Variants in GALNT13 observed in about 807,000 individuals in gnomAD.
GALNT13 encodes UDP-GalNAc:polypeptide N-acetylgalactosaminyltransferase 13.
GALNT13 carries 28 observed loss-of-function variants against 64.2 expected under a neutral mutation model. The observed-to-expected ratio is 0.44, with a 90% CI of 0.32 to 0.60. The LOEUF is 0.60. Among genes scored for constraint, GALNT13 ranks in the 20% least tolerant of loss-of-function variants. The pLI is 0.05. For synonymous variants in GALNT13, 214 were observed against 224.6 expected, an observed-to-expected ratio of 0.95 and a Z score of 0.42; for missense variants, 577 against 669.8, an observed-to-expected ratio of 0.86 and a Z score of 1.53.
At chr2:153,288,996 C>T in the GALNT13 span, among the ~76,000 whole-genome samples, 1 of 152,268 alleles carries the variant, frequency 6.6e-6, no homozygotes, top group Admixed American at 6.5e-5. Context: ...ACAGTTGTAA[C>T]CAGCAGTAAT....
chr2:153,855,402 A>C, the GALNT13 span, among the ~76,000 whole-genome samples: 1 of 152,196 alleles, frequency 6.6e-6, no homozygotes. Context: ...AGGAAAAAAC[A>C]AAACAACAAC....
In GALNT13 at chr2:154,140,424, T is replaced by A; in HGVS notation, c.230T>A (p.Leu77Gln). 1 of 1,612,516 alleles carries A rather than the reference T, an allele frequency of 6.2e-7. No homozygotes were observed. Among genetic ancestry groups the A allele is most frequent in the Non-Finnish European group, 8.5e-7 (1 of 1,178,732 alleles). ...PKDDQEKMKE[L>Q]FKINQFNLMA... ...GATGACCAGGAGAAAATGAAAGAGC[T>A]GTTTAAAATCAATCAGTTTAACCTT... Residue 77 changes from leucine to glutamine, a missense_variant, in exon 4 of 13, where the codon CTG becomes CAG. Transcript: ENST00000392825.
the GALNT13 span, among the ~76,000 whole-genome samples, chr2:153,095,996 T>A: frequency 3.3e-5 from 5 of 152,066 alleles, no homozygotes; most frequent in South Asian, 4.2e-4. Flanking sequence ...GTAACCTGCA[T>A]GTTGTGCACA....
At chr2:153,883,589 A>G in intron 1 of GALNT13, among the ~76,000 whole-genome samples, 1 of 152,128 alleles carries the variant, frequency 6.6e-6, no homozygotes. Context: ...CATGATGGCT[A>G]TGTGAAGTAG....
At chr2:154,225,160 TGATAGATA>T (rs56211679) in intron 4 of GALNT13, among the ~76,000 whole-genome samples, 1,827 of 137,952 alleles carry the variant, frequency 0.013, 17 homozygotes, top group African/African-American at 0.028. Context: ...GATAGATAGA[TGATAGATA>T]GATAGATAGA....
chr2:153,782,711 T>C, the GALNT13 span, among the ~76,000 whole-genome samples: 9 of 152,176 alleles, frequency 5.9e-5, no homozygotes, highest in Non-Finnish European at 1.0e-4. Flanking sequence ...CATGGAGTCT[T>C]GGAACAAACC....
chr2:154,249,989 C>T (rs1380183082), intron 7 of GALNT13, among the ~76,000 whole-genome samples: 1 of 152,052 alleles, frequency 6.6e-6, no homozygotes, highest in East Asian at 1.9e-4. Flanking sequence ...ATTATCTCCT[C>T]TATCATTCTA....
chr2:153,655,932 C>A, the GALNT13 span, among the ~76,000 whole-genome samples: 35 of 152,034 alleles, frequency 2.3e-4, no homozygotes, highest in Non-Finnish European at 4.6e-4. Context: ...TGAAACATAT[C>A]TAAAAGTAAG....
chr2:153,814,875 A>G, the GALNT13 span, among the ~76,000 whole-genome samples: 1 of 152,186 alleles, frequency 6.6e-6, no homozygotes, highest in Non-Finnish European at 1.5e-5. Flanking sequence ...TAAGTGTTGG[A>G]GGTAGAAAAT....
At chr2:154,261,682 T>G (rs1322116754) in intron 8 of GALNT13, among the ~76,000 whole-genome samples, 1 of 152,186 alleles carries the variant, frequency 6.6e-6, no homozygotes, top group African/African-American at 2.4e-5. Flanking sequence ...GCATGATGCT[T>G]CTTTGCTCTC....
chr2:153,428,585 A>AT, the GALNT13 span, among the ~76,000 whole-genome samples: 1 of 152,192 alleles, frequency 6.6e-6, no homozygotes, highest in Non-Finnish European at 1.5e-5. Context: ...AAAATACTAT[A>AT]TTATAAAGTG....
At chr2:154,110,336 TAGAGAGAGAGAG>T (rs1190684961) in intron 3 of GALNT13, among the ~76,000 whole-genome samples, 3 of 9,930 alleles carry the variant, frequency 3.0e-4, no homozygotes, top group Non-Finnish European at 3.8e-4. Context: ...TATATATATA[TAGAGAGAGAGAG>T]AGAGAGAGAG....
chr2:153,801,407 G>T, the GALNT13 span, among the ~76,000 whole-genome samples: 1 of 150,644 alleles, frequency 6.6e-6, no homozygotes, highest in African/African-American at 2.4e-5. Context: ...CCTTTCACTC[G>T]AACACTAAGA....
At chr2:153,508,994 T>TC in the GALNT13 span, among the ~76,000 whole-genome samples, 1 of 152,186 alleles carries the variant, frequency 6.6e-6, no homozygotes, top group Non-Finnish European at 1.5e-5. Context: ...AAGTTGTCCT[T>TC]CCCCAAGAGA....
intron 9 of GALNT13, among the ~76,000 whole-genome samples, chr2:154,359,216 C>G (rs1048449256): frequency 6.6e-6 from 1 of 151,938 alleles, no homozygotes; most frequent in East Asian, 1.9e-4. Flanking sequence ...GAAACTAGAC[C>G]GGGTATCCTA....
the GALNT13 span, among the ~76,000 whole-genome samples, chr2:153,245,888 G>A: frequency 2.0e-5 from 3 of 152,020 alleles, no homozygotes; most frequent in South Asian, 2.1e-4. Context: ...ATGCAAGCAG[G>A]CTAAGAATCT....
the GALNT13 span, among the ~76,000 whole-genome samples, chr2:153,485,082 T>A: frequency 6.6e-6 from 1 of 152,226 alleles, no homozygotes; most frequent in Non-Finnish European, 1.5e-5. Flanking sequence ...CATGTTAGTA[T>A]TGTAGTGGAC....
At chr2:153,554,421 T>C in the GALNT13 span, among the ~76,000 whole-genome samples, 25 of 152,304 alleles carry the variant, frequency 1.6e-4, no homozygotes, top group Admixed American at 1.6e-3. Context: ...GGGCATTTGG[T>C]ATTATACAAA....
the GALNT13 span, among the ~76,000 whole-genome samples, chr2:153,279,874 G>A: frequency 4.6e-5 from 7 of 151,690 alleles, no homozygotes; most frequent in African/African-American, 7.3e-5. Context: ...GGTAATACTC[G>A]CGTCATAGAA....
Sources: allele counts gnomAD v4.1 joint callset (sites outside exome capture counted in the v4.1 genomes callset), GRCh38; gene constraint gnomAD v4.1.1; transcripts MANE v1.5; gene names NCBI Gene and HGNC (gene_info 2026-07-23, HGNC 2026-07-21).